LGR4: variants seen among roughly 807,000 people sequenced by gnomAD.
The protein encoded by LGR4 is leucine rich repeat containing G protein-coupled receptor 4, also known as leucine-rich repeat-containing G protein-coupled receptor 4.
A neutral mutation model predicts 84.8 loss-of-function variants in LGR4; 44 were observed. The observed-to-expected ratio is 0.52, with a 90% CI of 0.41 to 0.67. The LOEUF is 0.67. Ranked by LOEUF, LGR4 falls within the 30% of genes least tolerant of loss-of-function variation. LGR4 has a pLI of 0.00. For missense variants in LGR4, 1,032 were observed against 1,131.4 expected (o/e 0.91, Z 1.26); for synonymous variants, 429 against 434.3 (o/e 0.99, Z 0.15).
intron 4 of LGR4, chr11:27,385,676 G>A (rs1863174604): frequency 5.0e-6 from 2 of 400,746 alleles, no homozygotes; most frequent in African/African-American, 2.1e-5. Flanking sequence ...CATAAGAATG[G>A]CATGTATCCA....
At chr11:27,416,313 A>T (rs920688692) in intron 1 of LGR4, among the ~76,000 whole-genome samples, 9 of 152,172 alleles carry the variant, frequency 5.9e-5, no homozygotes, top group South Asian at 2.1e-4. Context: ...CAGCTGTGTG[A>T]TCTTTGGCAA....
chr11:27,424,573 T>C (rs748064234), intron 1 of LGR4, among the ~76,000 whole-genome samples: 4 of 152,046 alleles, frequency 2.6e-5, no homozygotes, highest in Non-Finnish European at 5.9e-5. Flanking sequence ...CAGAATGCAA[T>C]GGGAGCTGAT....
intron 2 of LGR4, among the ~76,000 whole-genome samples, chr11:27,406,234 G>T (rs1248152432): frequency 6.6e-6 from 1 of 152,028 alleles, no homozygotes; most frequent in African/African-American, 2.4e-5. Flanking sequence ...TTCCCATAGC[G>T]AGTATACTAT....
chr11:27,418,633 T>C (rs1287765183), intron 1 of LGR4, among the ~76,000 whole-genome samples: 1 of 152,146 alleles, frequency 6.6e-6, no homozygotes, highest in Non-Finnish European at 1.5e-5. Context: ...ACATTAATTA[T>C]GGCAGAGACA....
intron 1 of LGR4, among the ~76,000 whole-genome samples, chr11:27,431,092 A>G (rs1249197372): frequency 1.3e-5 from 2 of 151,932 alleles, no homozygotes; most frequent in Non-Finnish European, 2.9e-5. Context: ...TATATTACCA[A>G]CCAGTTTATT....
chr11:27,435,805 G>C (rs1051413697), intron 1 of LGR4, among the ~76,000 whole-genome samples: 2 of 151,976 alleles, frequency 1.3e-5, no homozygotes, highest in Non-Finnish European at 2.9e-5. Flanking sequence ...TACTTTGAAT[G>C]CATCTAGTGC....
chr11:27,377,291 C>T (rs1220210302), intron 11 of LGR4, 68 bp from the exon 12 acceptor site: 2 of 815,824 alleles, frequency 2.5e-6, no homozygotes, highest in Non-Finnish European at 4.0e-6. Flanking sequence ...GAGTGGTACT[C>T]AGAAGCGTTG....
chr11:27,468,638 C>G (rs768391328), intron 1 of LGR4, among the ~76,000 whole-genome samples: 5 of 151,556 alleles, frequency 3.3e-5, no homozygotes, highest in Non-Finnish European at 5.9e-5. Flanking sequence ...AAGTAAGCAG[C>G]AGCCTTAGAG....
At position 27,367,716 on chromosome 11, in the gene LGR4, C is replaced by A; in HGVS notation, c.*151G>T. On this transcript the variant is annotated 3_prime_UTR_variant, in exon 18 of 18. Coordinates refer to ENST00000379214, the MANE Select transcript of LGR4 (RefSeq NM_018490.5). ...TTAGGCACCTGTTCTTTGAAAATGA[C>A]TGGTTTGAGAAATAAACTGCCACCT... 1 of 564,622 alleles carries A rather than the reference C, an allele frequency of 1.8e-6. No individual in the cohort carries two copies. Among genetic ancestry groups the A allele is most frequent in the Non-Finnish European group, 3.1e-6 (1 of 327,028 alleles). The allele number at this position is 564,622 out of a possible 1,614,324, so 35.0% of individuals were successfully genotyped here. A position where few individuals can be genotyped will look rare whatever the true frequency, so the allele number is the denominator to read the frequency against.
At position 27,429,087 on chromosome 11, in the gene LGR4, C is replaced by T. The variant is rs78249644; in HGVS notation, c.186-16227G>A. On this transcript the variant is annotated intron_variant, in intron 1 of 17. Coordinates refer to ENST00000379214, the MANE Select transcript of LGR4 (RefSeq NM_018490.5). ...GGTAAAGGTGAGGGAGTGGGCAACA[C>T]GGAGCATTAAAACTGCAGAAGTGGA... Among the ~76,000 whole-genome samples, 548 of 151,962 alleles carry T rather than the reference C, an allele frequency of 3.6e-3. 4 individuals are homozygous for T. Among genetic ancestry groups the T allele is most frequent in the Non-Finnish European group, 6.3e-3 (426 of 68,004 alleles).
chr11:27,382,283 C>G, intron 6 of LGR4, 27 bp from the exon 7 acceptor site: 1 of 1,430,106 alleles, frequency 7.0e-7, no homozygotes, highest in Non-Finnish European at 9.9e-7. Flanking sequence ...GAAAATATAT[C>G]AAAATATTAA....
chr11:27,389,827 G>A (rs1464390602), intron 4 of LGR4, among the ~76,000 whole-genome samples: 1 of 152,068 alleles, frequency 6.6e-6, no homozygotes, highest in East Asian at 1.9e-4. Context: ...ATTTCTATAA[G>A]GGAACTCATT....
At position 27,368,131 on chromosome 11, in the gene LGR4, A is replaced by G; in HGVS notation, c.2592T>C (p.Phe864=). 1 of 1,614,228 alleles carries G rather than the reference A, an allele frequency of 6.2e-7. No homozygotes were observed. Among genetic ancestry groups the G allele is most frequent in the Non-Finnish European group, 8.5e-7 (1 of 1,180,038 alleles). ...NLTVCDCCES[F]LLTKPVSCKH... is the part of the protein sequence containing the mutation. ...TGCATGATACTGGCTTTGTTAAAAG[A>G]AACGATTCGCAGCAGTCGCAAACAG... Residue 864 remains phenylalanine (F), a synonymous_variant, in exon 18 of 18, where the codon TTT becomes TTC. Coordinates refer to ENST00000379214, the MANE Select transcript of LGR4 (RefSeq NM_018490.5).
At chr11:27,438,812 C>T (rs909580274) in intron 1 of LGR4, among the ~76,000 whole-genome samples, 1 of 152,186 alleles carries the variant, frequency 6.6e-6, no homozygotes, top group African/African-American at 2.4e-5. Context: ...CTCAGGCCTT[C>T]AGACTCTAAC....
rs1314460232 is a variant in LGR4 at position 27,385,467 on chromosome 11, G to A, written c.403C>T (p.Arg135Cys). ...IRGLSALQSL[R>C]LDANHITSVP... ...GAGGTAATATGGTTGGCATCTAAAC[G>A]CCTAACAGAAACAAAAACAACCATG... The change falls in exon 5 of 18, where the codon CGT becomes TGT. Residue 135 changes from arginine to cysteine, a missense_variant and splice_region_variant. By Grantham distance (180) the Arg-to-Cys change is radical. Coordinates refer to ENST00000379214, the MANE Select transcript of LGR4 (RefSeq NM_018490.5). The A allele has an allele frequency of 6.3e-7, 1 of 1,590,410 alleles. No individual in the cohort carries two copies.
intron 1 of LGR4, among the ~76,000 whole-genome samples, chr11:27,444,511 C>A (rs1415140648): frequency 6.6e-6 from 1 of 152,116 alleles, no homozygotes; most frequent in Non-Finnish European, 1.5e-5. Context: ...ATTGAATCTA[C>A]TTCTGAAACA....
chr11:27,376,779 T>A (rs560274148), intron 12 of LGR4, among the ~76,000 whole-genome samples: 114 of 152,316 alleles, frequency 7.5e-4, no homozygotes, highest in African/African-American at 2.6e-3. Flanking sequence ...AGAGTTAAAA[T>A]GGGAGAATTA....
chr11:27,428,383 C>G (rs1379856755), intron 1 of LGR4, among the ~76,000 whole-genome samples: 1 of 152,178 alleles, frequency 6.6e-6, no homozygotes, highest in Non-Finnish European at 1.5e-5. Context: ...GAGTGATCTG[C>G]CTGCCTCGGC....
intron 1 of LGR4, among the ~76,000 whole-genome samples, chr11:27,428,325 G>A (rs1018570696): frequency 6.6e-6 from 1 of 151,998 alleles, no homozygotes; most frequent in African/African-American, 2.4e-5. Flanking sequence ...TTTTAGTAGA[G>A]ACGATGTTTC....
Sources: gnomAD v4.1 joint callset for allele counts (sites outside exome capture counted in the v4.1 genomes callset) on GRCh38, gnomAD v4.1.1 for gene constraint, MANE v1.5 for transcripts, NCBI Gene and HGNC (gene_info 2026-07-23, HGNC 2026-07-21) for gene names.